The following PCSK2 variants were observed in gnomAD, a reference collection of about 807,000 sequenced individuals.
The protein encoded by PCSK2 is neuroendocrine convertase 2.
Under a neutral mutation model 69.7 loss-of-function variants are expected in PCSK2, and 14 were observed. The observed-to-expected ratio is 0.20, with a 90% CI of 0.13 to 0.31. The LOEUF (loss-of-function observed/expected upper bound fraction) is 0.31. Ranked by LOEUF, PCSK2 falls within the 10% of genes least tolerant of loss-of-function variation. The probability of loss-of-function intolerance (pLI) is 1.00; values close to 1 mark genes in which losing one functional copy is unlikely to be tolerated. For synonymous variants in PCSK2, 307 were observed against 320.7 expected, an observed-to-expected ratio of 0.96 and a Z score of 0.46; for missense variants, 544 against 842.5, an observed-to-expected ratio of 0.65 and a Z score of 4.39.
intron 5 of PCSK2, among the ~76,000 whole-genome samples, chr20:17,393,847 G>A (rs931533781): frequency 1.3e-5 from 2 of 152,002 alleles, no homozygotes. Flanking sequence ...AAGTGGTATG[G>A]CACTAGCACA....
chr20:17,436,748 C>T lies in PCSK2; in HGVS notation c.750C>T (p.Ile250=), dbSNP rs928977615. The change falls in exon 8 of 12, where the codon ATC becomes ATT. Residue 250 remains isoleucine, a synonymous_variant. Transcript: ENST00000262545. Reference sequence around the variant, plus strand: ...ACCAGCCATTCATGACAGACATCATCGAGGCCTCCTCCATCAGTCATATGC... The same window carrying T: ...ACCAGCCATTCATGACAGACATCATTGAGGCCTCCTCCATCAGTCATATGC... ...MLDQPFMTDI[I]EASSISHMPQ... 8.7e-6 allele frequency: 14 copies of T among 1,613,798 alleles called. No individual in the cohort carries two copies. The highest frequency in any genetic ancestry group is 1.3e-5 in the African/African-American group (1 of 74,950).
At chr20:17,318,566 G>T (rs957860766) in intron 2 of PCSK2, among the ~76,000 whole-genome samples, 1 of 152,166 alleles carries the variant, frequency 6.6e-6, no homozygotes, top group African/African-American at 2.4e-5. Flanking sequence ...AGTTGTTTTG[G>T]TCTGTTTTAT....
chr20:17,444,197 G>A (rs372030664), intron 8 of PCSK2, among the ~76,000 whole-genome samples: 14 of 152,122 alleles, frequency 9.2e-5, no homozygotes, highest in Non-Finnish European at 7.3e-5. Context: ...CACTTCTTAC[G>A]TTTGTCTTTC....
chr20:17,351,568 T>C (rs1290013314), intron 2 of PCSK2, among the ~76,000 whole-genome samples: 1 of 152,142 alleles, frequency 6.6e-6, no homozygotes, highest in Non-Finnish European at 1.5e-5. Flanking sequence ...TATGTGATCA[T>C]CACATAAAGA....
intron 5 of PCSK2, among the ~76,000 whole-genome samples, chr20:17,404,488 T>A: frequency 6.6e-6 from 1 of 152,190 alleles, no homozygotes; most frequent in East Asian, 1.9e-4. Context: ...GTGGCACCTC[T>A]TCACCATCGC....
intron 11 of PCSK2, among the ~76,000 whole-genome samples, chr20:17,476,833 T>C (rs1348046434): frequency 5.3e-5 from 8 of 152,200 alleles, no homozygotes; most frequent in Admixed American, 3.9e-4. Context: ...CTTTGAGAAA[T>C]CCAGGTTATG....
intron 3 of PCSK2, among the ~76,000 whole-genome samples, chr20:17,358,644 C>T (rs779982890): frequency 6.6e-6 from 1 of 152,222 alleles, no homozygotes; most frequent in Non-Finnish European, 1.5e-5. Context: ...TGCTAAGTAG[C>T]CCTTGTCTCC....
At chr20:17,372,724 T>TG (rs1484224593) in intron 5 of PCSK2, among the ~76,000 whole-genome samples, 1 of 152,182 alleles carries the variant, frequency 6.6e-6, no homozygotes, top group African/African-American at 2.4e-5. Flanking sequence ...GTTCTGCCTC[T>TG]GGTATAGATG....
chr20:17,482,044 C>G lies in PCSK2; in HGVS notation c.1891C>G (p.Leu631Val), dbSNP rs779146600. ...GCTGGACGAAGCCGTGGAGAGAAGC[C>G]TGAAAAGCATCCTTAACAAGAACTA... Reference protein sequence around the residue: ...EELDEAVERSLKSILNKN With the variant: ...EELDEAVERSVKSILNKN The change falls in exon 12 of 12, where the codon CTG becomes GTG. Residue 631 changes from leucine (L) to valine (V), a missense_variant. Leu to Val is a conservative substitution (Grantham distance 32). This residue lies in a region of PCSK2 where 200 missense variants were observed against 287.8 expected (regional missense o/e 0.69). Transcript: ENST00000262545. 1 of 1,599,168 alleles carries G rather than the reference C, an allele frequency of 6.3e-7. No homozygotes were observed. The highest frequency in any genetic ancestry group is 1.1e-5 in the South Asian group (1 of 89,056).
Position 17,227,425 on chromosome 20 carries a change from A to C in PCSK2, c.120A>C (p.Lys40Asn). 1.2e-6 allele frequency: 2 copies of C among 1,613,956 alleles called. No homozygotes were observed. Among genetic ancestry groups the C allele is most frequent in the Non-Finnish European group, 1.7e-6 (2 of 1,179,950 alleles). Residue 40 changes from lysine (K) to asparagine (N), a missense_variant, in exon 1 of 12, where the codon AAA (lysine) becomes AAC (asparagine). This residue lies in a region of PCSK2 where 157 missense variants were observed against 155.0 expected (regional missense o/e 1.01). Coordinates refer to ENST00000262545, the MANE Select transcript of PCSK2 (RefSeq NM_002594.5). ...FTNHFLVELH[K>N]GGEDKARQVA... Reference sequence around the variant, plus strand: ...ATCATTTTCTTGTGGAGTTGCATAAAGGGGGAGAGGACAAAGCTCGCCAAG... The same window carrying C: ...ATCATTTTCTTGTGGAGTTGCATAACGGGGGAGAGGACAAAGCTCGCCAAG...
intron 10 of PCSK2, among the ~76,000 whole-genome samples, chr20:17,458,560 G>C (rs1056557955): frequency 1.3e-5 from 2 of 152,218 alleles, no homozygotes; most frequent in Non-Finnish European, 2.9e-5. Context: ...CCAAATGAGA[G>C]CCCAGAGGGA....
At chr20:17,256,036 ATTAT>A (rs1230757009) in intron 1 of PCSK2, among the ~76,000 whole-genome samples, 1 of 152,172 alleles carries the variant, frequency 6.6e-6, no homozygotes, top group East Asian at 1.9e-4. Flanking sequence ...AAGGACTGGA[ATTAT>A]TTATTTAAAC....
At chr20:17,371,804 A>C (rs2030772804) in intron 5 of PCSK2, among the ~76,000 whole-genome samples, 1 of 152,128 alleles carries the variant, frequency 6.6e-6, no homozygotes, top group South Asian at 2.1e-4. Context: ...ATTTATTTAA[A>C]CATTCTGATC....
rs1320923438 is a variant in PCSK2, at chr20:17,303,474, T to A, written c.282+43130T>A. Among the ~76,000 whole-genome samples, 26 of 47,130 alleles carry A rather than the reference T, an allele frequency of 5.5e-4. 2 individuals are homozygous for A. Among genetic ancestry groups the A allele is most frequent in the African/African-American group, 1.8e-3 (23 of 12,842 alleles). The allele number at this position is 47,130 out of a possible 152,430, so 30.9% of individuals were successfully genotyped here. ...ATTATATTAAATATAATATATATTATATATAATATATATTATATTTAATAT... is the reference window on the plus strand; with the variant it reads ...ATTATATTAAATATAATATATATTAAATATAATATATATTATATTTAATAT... On this transcript the variant is annotated intron_variant, in intron 2 of 11. Transcript: ENST00000262545.
At chr20:17,452,581 A>G (rs2032847514) in intron 8 of PCSK2, among the ~76,000 whole-genome samples, 1 of 152,186 alleles carries the variant, frequency 6.6e-6, no homozygotes, top group Admixed American at 6.5e-5. Flanking sequence ...TGGTGACCAC[A>G]CAGGGAGAGA....
chr20:17,230,513 G>C (rs1019041305), intron 1 of PCSK2, among the ~76,000 whole-genome samples: 3 of 152,170 alleles, frequency 2.0e-5, no homozygotes, highest in African/African-American at 7.2e-5. Flanking sequence ...ACATCATGCT[G>C]CCTCCAGGAA....
intron 2 of PCSK2, among the ~76,000 whole-genome samples, chr20:17,290,898 G>A (rs374696624): frequency 2.6e-5 from 4 of 152,036 alleles, no homozygotes; most frequent in East Asian, 3.9e-4. Context: ...GAGAGGAAAC[G>A]GGGACCAAAC....
intron 8 of PCSK2, among the ~76,000 whole-genome samples, chr20:17,441,140 C>T (rs997440395): frequency 2.0e-5 from 3 of 152,192 alleles, no homozygotes; most frequent in African/African-American, 7.2e-5. Context: ...TTGGACACCA[C>T]CCCATTGGCA....
rs200283337 is a variant in PCSK2 at position 17,465,663 on chromosome 20, T to TTTTG, written c.1430+126_1430+129dup. 75 of 739,378 alleles carry TTTTG rather than the reference T, an allele frequency of 1.0e-4. 1 individual carries two copies. Among genetic ancestry groups the TTTTG allele is most frequent in the South Asian group, 8.6e-4 (43 of 49,812 alleles). 45.8% of individuals were successfully genotyped at this position (739,378 alleles called of 1,614,324 possible). On this transcript the variant is annotated intron_variant, in intron 11 of 11. Transcript: ENST00000262545. ...TCTTCATGTTTGGGTCAACTGTATT[T>TTTTG]TTTGTTTGTTTGTTTGTTTTTTTGA... is the stretch of plus-strand genomic sequence containing the variant.
Sources: gnomAD v4.1 joint callset for allele counts (sites outside exome capture counted in the v4.1 genomes callset) on GRCh38, gnomAD v4.1.1 for gene constraint, gnomAD v4.1.1 regional missense constraint, MANE v1.5 for transcripts, NCBI Gene and HGNC (gene_info 2026-07-23, HGNC 2026-07-21) for gene names.